DLG2: variants seen among roughly 807,000 people sequenced by gnomAD.
The protein encoded by DLG2 is discs large MAGUK scaffold protein 2, also known as disks large homolog 2.
Under a neutral mutation model 132.5 loss-of-function variants are expected in DLG2, and 45 were observed. The ratio of observed to expected loss-of-function variants is 0.34; its 90% CI spans 0.27 to 0.44. DLG2 has a LOEUF of 0.44. Ranked by LOEUF, DLG2 falls within the 20% of genes least tolerant of loss-of-function variation. DLG2 has a pLI of 1.00. For synonymous variants in DLG2, 424 were observed against 419.6 expected, an observed-to-expected ratio of 1.01 and a Z score of -0.13; for missense variants, 1,045 against 1,196.9, an observed-to-expected ratio of 0.87 and a Z score of 1.87.
chr11:85,368,968 C>A (rs1318823212), intron 3 of DLG2, among the ~76,000 whole-genome samples: 1 of 152,176 alleles, frequency 6.6e-6, no homozygotes, highest in Non-Finnish European at 1.5e-5. Flanking sequence ...TCCCTGATTC[C>A]CCAGAACCCC....
At chr11:84,297,018 T>C (rs2098098512) in intron 7 of DLG2, among the ~76,000 whole-genome samples, 1 of 151,720 alleles carries the variant, frequency 6.6e-6, no homozygotes, top group Non-Finnish European at 1.5e-5. Flanking sequence ...CTGTGGTCAG[T>C]ATCTGGGGGC....
chr11:84,367,333 C>G (rs2098688220), intron 7 of DLG2, among the ~76,000 whole-genome samples: 1 of 152,102 alleles, frequency 6.6e-6, no homozygotes, highest in Non-Finnish European at 1.5e-5. Flanking sequence ...AGCACGAAAG[C>G]AGCCACAGAT....
chr11:85,612,619 T>C (rs2081083966), intron 2 of DLG2, among the ~76,000 whole-genome samples: 1 of 152,196 alleles, frequency 6.6e-6, no homozygotes, highest in South Asian at 2.1e-4. Context: ...TTACAAGGTT[T>C]TCAACAAAAG....
At chr11:83,887,533 C>A (rs953423007) in intron 15 of DLG2, among the ~76,000 whole-genome samples, 14 of 152,004 alleles carry the variant, frequency 9.2e-5, no homozygotes, top group Non-Finnish European at 1.8e-4. Flanking sequence ...AGGAGGAACT[C>A]GTACCATTCC....
chr11:84,537,482 T>C (rs2099358439), intron 6 of DLG2, among the ~76,000 whole-genome samples: 1 of 152,230 alleles, frequency 6.6e-6, no homozygotes, highest in Non-Finnish European at 1.5e-5. Flanking sequence ...AGTCTCATTT[T>C]TAAGCTTCTT....
chr11:84,205,204 T>C (rs946987066), intron 8 of DLG2, among the ~76,000 whole-genome samples: 1 of 152,180 alleles, frequency 6.6e-6, no homozygotes, highest in Non-Finnish European at 1.5e-5. Context: ...CAATCTTAAC[T>C]GTATTCATAC....
At chr11:85,412,076 C>T (rs996516847) in intron 3 of DLG2, among the ~76,000 whole-genome samples, 2 of 151,822 alleles carry the variant, frequency 1.3e-5, no homozygotes, top group African/African-American at 2.4e-5. Context: ...ATGTTTAAAT[C>T]ATGTCCTATC....
chr11:84,788,084 G>C (rs1172337391), intron 6 of DLG2, among the ~76,000 whole-genome samples: 1 of 112,630 alleles, frequency 8.9e-6, no homozygotes, highest in Non-Finnish European at 1.7e-5. Flanking sequence ...CTGGGTGACA[G>C]AGTGTGAATA....
At chr11:85,160,274 TG>T (rs1413709826) in intron 4 of DLG2, among the ~76,000 whole-genome samples, 10 of 152,188 alleles carry the variant, frequency 6.6e-5, no homozygotes, top group Admixed American at 6.5e-4. Context: ...TCCAGGCTGC[TG>T]TACAAGCTGC....
At position 85,235,084 on chromosome 11, in the gene DLG2, G is replaced by C. The variant is rs181716629; in HGVS notation, c.186+50136C>G. Among the ~76,000 whole-genome samples the C allele has an allele frequency of 1.2e-4, 18 of 152,098 alleles. No individual in the cohort carries two copies. The East Asian group carries it at 3.5e-3, about 29-fold the overall frequency. On this transcript the variant is annotated intron_variant, in intron 4 of 27. Transcript: ENST00000376104. ...ATTCTCAATTTCAACTCAGGCAATA[G>C]AGCATGTAATAAGGCAGATGGATTA... is the stretch of plus-strand genomic sequence containing the variant.
intron 17 of DLG2, chr11:83,791,087 C>T (rs1566974919): frequency 1.0e-5 from 7 of 686,552 alleles, no homozygotes; most frequent in South Asian, 1.8e-5. Context: ...GGGGTGGACT[C>T]GGACTGGAAG....
intron 21 of DLG2, among the ~76,000 whole-genome samples, chr11:83,507,758 TTATATATA>T (rs59086507): frequency 0.11 from 10,688 of 99,612 alleles, 548 homozygotes; most frequent in Middle Eastern, 0.19. Context: ...TATATTTTTA[TTATATATA>T]TATATATATA....
At chr11:85,384,186 C>T (rs2086133534) in intron 3 of DLG2, among the ~76,000 whole-genome samples, 1 of 152,048 alleles carries the variant, frequency 6.6e-6, no homozygotes, top group South Asian at 2.1e-4. Context: ...CACAACAGCC[C>T]TGCAAGAAAG....
At chr11:84,108,804 T>G (rs754324925) in intron 9 of DLG2, among the ~76,000 whole-genome samples, 2 of 152,070 alleles carry the variant, frequency 1.3e-5, no homozygotes, top group African/African-American at 2.4e-5. Context: ...CAAGTTGCTG[T>G]AGTCCAGGTC....
intron 3 of DLG2, among the ~76,000 whole-genome samples, chr11:85,352,883 C>T (rs1799924081): frequency 1.3e-5 from 2 of 152,056 alleles, no homozygotes; most frequent in South Asian, 4.1e-4. Context: ...CCATAAAAAC[C>T]CTAGAAGAAA....
intron 3 of DLG2, among the ~76,000 whole-genome samples, chr11:85,540,021 G>A (rs573525414): frequency 2.6e-5 from 4 of 152,166 alleles, no homozygotes; most frequent in African/African-American, 9.7e-5. Flanking sequence ...CCCTGACCAT[G>A]GGCCCACCTT....
At position 85,545,963 on chromosome 11, in the gene DLG2, T is replaced by C. The variant is rs1565666269; in HGVS notation, c.40+52694A>G. Among the ~76,000 whole-genome samples, 4 of 152,316 alleles carry C rather than the reference T, an allele frequency of 2.6e-5. No homozygotes were observed. The South Asian group carries it at 8.3e-4, about 32-fold the overall frequency. On this transcript the variant is annotated intron_variant, in intron 3 of 27. Coordinates refer to ENST00000376104, the MANE Select transcript of DLG2 (RefSeq NM_001142699.3). ...CCAGCTCCTGGATTCATTGATTTTATGTAGGGTTTTTTGTGTCTCTGTCTC... is the reference window on the plus strand; with the variant it reads ...CCAGCTCCTGGATTCATTGATTTTACGTAGGGTTTTTTGTGTCTCTGTCTC...
At chr11:84,359,094 C>T (rs567005268) in intron 7 of DLG2, among the ~76,000 whole-genome samples, 6 of 151,872 alleles carry the variant, frequency 4.0e-5, no homozygotes, top group Non-Finnish European at 7.4e-5. Context: ...AGAATTTGAC[C>T]TCCATGGCCA....
chr11:84,041,929 T>G (rs528437658), intron 11 of DLG2, among the ~76,000 whole-genome samples: 153 of 151,998 alleles, frequency 1.0e-3, no homozygotes, highest in Non-Finnish European at 1.7e-3. Context: ...GTTTTAAAAC[T>G]GGGAGTTTCC....
Sources: allele counts gnomAD v4.1 joint callset (sites outside exome capture counted in the v4.1 genomes callset), GRCh38; gene constraint gnomAD v4.1.1; transcripts MANE v1.5; gene names NCBI Gene and HGNC (gene_info 2026-07-23, HGNC 2026-07-21).